GAB3: variants seen among roughly 807,000 people sequenced by gnomAD.
The protein encoded by GAB3 is GRB2 associated binding protein 3.
Under a neutral mutation model 40.4 loss-of-function variants are expected in GAB3, and 12 were observed. That is an observed-to-expected ratio of 0.30 (90% CI 0.19 to 0.48). GAB3 has a LOEUF of 0.48. Among genes scored for constraint, GAB3 ranks in the 20% least tolerant of loss-of-function variants. GAB3 has a pLI of 0.99. For synonymous variants in GAB3, 154 were observed against 176.7 expected (o/e 0.87, Z 1.02); for missense variants, 381 against 461.9 (o/e 0.82, Z 1.61).
At chrX:154,681,128 T>C (rs2070367941) in intron 8 of GAB3, among the ~76,000 whole-genome samples, 1 of 112,300 alleles carries the variant, frequency 8.9e-6, no homozygotes, top group South Asian at 3.7e-4. Context: ...ATAGAATCAC[T>C]GGGTTATAGG....
At chrX:154,731,172 C>T (rs1351847085) in intron 1 of GAB3, among the ~76,000 whole-genome samples, 1 of 112,198 alleles carries the variant, frequency 8.9e-6, no homozygotes, top group Non-Finnish European at 1.9e-5. Flanking sequence ...ATCAAATCTG[C>T]AAGTGTTTAC....
chrX:154,736,583 T>C (rs973403911), intron 1 of GAB3, among the ~76,000 whole-genome samples: 1 of 112,601 alleles, frequency 8.9e-6, no homozygotes, highest in Non-Finnish European at 1.9e-5. Flanking sequence ...TTCTTTCTGC[T>C]TTTCTGTGGT....
Position 154,712,346 on chromosome X carries a change from G to A in GAB3, c.952C>T (p.Leu318=). 8.3e-7 allele frequency: 1 copy of A among 1,211,812 alleles called. No homozygotes were observed. The highest frequency in any genetic ancestry group is 1.1e-6 in the Non-Finnish European group (1 of 895,265). ...CACTCCTCTTGGCGCCGTTCAGACA[G>A]ATGGCTTGGCTTAGGGGGGCGGGGA... is the stretch of plus-strand genomic sequence containing the variant. ...PPPRPPKPSH[L]SERRQEEWST... Residue 318 remains leucine (L), a synonymous_variant, in exon 4 of 10, where the codon CTG becomes TTG. Coordinates refer to ENST00000424127, the MANE Select transcript of GAB3 (RefSeq NM_001081573.3).
intron 8 of GAB3, 23 bp from the exon 9 acceptor site, chrX:154,680,271 TC>T: frequency 1.8e-6 from 2 of 1,094,934 alleles, no homozygotes; most frequent in Non-Finnish European, 2.5e-6. Context: ...ATCACAGGAG[TC>T]AGGTTAATGA....
chrX:154,696,815 A>G (rs2070664968), intron 7 of GAB3, among the ~76,000 whole-genome samples: 1 of 112,536 alleles, frequency 8.9e-6, no homozygotes, highest in South Asian at 3.6e-4. Context: ...TGGTACAGCT[A>G]TCTTTGACCA....
chrX:154,748,906 A>T (rs949757352), intron 1 of GAB3, among the ~76,000 whole-genome samples: 2 of 111,947 alleles, frequency 1.8e-5, no homozygotes, highest in South Asian at 7.4e-4. Context: ...ACACATGATC[A>T]CCATCTAGTG....
chrX:154,729,633 T>A (rs1369085575), intron 1 of GAB3, among the ~76,000 whole-genome samples: 2 of 111,979 alleles, frequency 1.8e-5, no homozygotes, highest in Non-Finnish European at 3.8e-5. Flanking sequence ...TGGTTTGCAA[T>A]TAGCAGATAA....
chrX:154,686,954 C>G (rs1557247914), intron 8 of GAB3, among the ~76,000 whole-genome samples: 2 of 110,972 alleles, frequency 1.8e-5, no homozygotes, highest in Non-Finnish European at 3.8e-5. Context: ...CTTTGGGAGG[C>G]TGAGGCAGAC....
chrX:154,717,246 A>AT (rs2071059539), intron 1 of GAB3, among the ~76,000 whole-genome samples: 2 of 111,093 alleles, frequency 1.8e-5, no homozygotes, highest in Non-Finnish European at 3.8e-5. Flanking sequence ...GGGTCAAGGG[A>AT]TTTTTTAAAG....
At chrX:154,729,691 G>A (rs1557259785) in intron 1 of GAB3, among the ~76,000 whole-genome samples, 1 of 111,797 alleles carries the variant, frequency 8.9e-6, no homozygotes, top group Non-Finnish European at 1.9e-5. Context: ...AAGGGCAAAT[G>A]AGCTTTCACT....
chrX:154,740,023 T>C (rs990801303), intron 1 of GAB3, among the ~76,000 whole-genome samples: 1 of 112,893 alleles, frequency 8.9e-6, no homozygotes, highest in Non-Finnish European at 1.9e-5. Context: ...AACAGTACAC[T>C]GTATTTGAGG....
chrX:154,686,197 T>C (rs1234720771), intron 8 of GAB3, among the ~76,000 whole-genome samples: 1 of 111,017 alleles, frequency 9.0e-6, no homozygotes, highest in African/African-American at 3.3e-5. Context: ...CAACACCCAT[T>C]AGGAACACAG....
chrX:154,711,827 G>A (rs1218790167), intron 4 of GAB3, among the ~76,000 whole-genome samples: 1 of 112,168 alleles, frequency 8.9e-6, no homozygotes, highest in African/African-American at 3.2e-5. Flanking sequence ...GACTCAGGTG[G>A]GAAGCTTACC....
chrX:154,751,143 GC>G, upstream of GAB3: 1 of 662,286 alleles, frequency 1.5e-6, no homozygotes, highest in Non-Finnish European at 1.8e-6. Context: ...GCCCCGAGCG[GC>G]CGCTGCGACC....
chrX:154,723,382 A>G (rs955223732), intron 1 of GAB3, among the ~76,000 whole-genome samples: 10 of 111,859 alleles, frequency 8.9e-5, no homozygotes, highest in African/African-American at 3.3e-4. Context: ...CTCAATGTCC[A>G]GCATCAACTA....
intron 1 of GAB3, among the ~76,000 whole-genome samples, chrX:154,744,153 G>A (rs1679332429): frequency 1.0e-5 from 1 of 96,456 alleles, no homozygotes; most frequent in South Asian, 5.6e-4. Context: ...GGCGGGGGTT[G>A]CAGTGAGCCG....
chrX:154,704,749 G>A (rs782226139), intron 4 of GAB3, among the ~76,000 whole-genome samples: 43 of 111,311 alleles, frequency 3.9e-4, no homozygotes, highest in Non-Finnish European at 7.2e-4. Flanking sequence ...ACTGAAAAAG[G>A]AGGCATTACA....
rs1014128431 is a variant in GAB3 at position 154,678,022 on chromosome X, G to C, written c.*156C>G. 2.5e-6 allele frequency: 1 copy of C among 400,479 alleles called. No homozygotes were observed. The allele number at this position is 400,479 out of a possible 1,213,427, so 33.0% of individuals were successfully genotyped here. A position where few individuals can be genotyped will look rare whatever the true frequency, so the allele number is the denominator to read the frequency against. ...TATAAACAGGTCTTCTTTCCTAAAG[G>C]TTCTGGCCAAGACCTTGAAAACTAC... is the stretch of plus-strand genomic sequence containing the variant. On this transcript the variant is annotated 3_prime_UTR_variant, in exon 10 of 10. Transcript: ENST00000424127.
At chrX:154,730,995 G>T (rs782003429) in intron 1 of GAB3, among the ~76,000 whole-genome samples, 26 of 112,409 alleles carry the variant, frequency 2.3e-4, no homozygotes, top group Non-Finnish European at 4.3e-4. Flanking sequence ...ATCCTGAGGA[G>T]AAATGTTCAG....
Sources: gnomAD v4.1 joint callset for allele counts (sites outside exome capture counted in the v4.1 genomes callset) on GRCh38, gnomAD v4.1.1 for gene constraint, MANE v1.5 for transcripts, NCBI Gene and HGNC (gene_info 2026-07-23, HGNC 2026-07-21) for gene names.